Variants in STK11 observed in about 807,000 individuals in gnomAD.
STK11 encodes the protein serine/threonine kinase 11.
STK11 carries 8 observed loss-of-function variants against 47.3 expected under a neutral mutation model. The observed-to-expected ratio is 0.17, with a 90% CI of 0.10 to 0.31. The LOEUF (loss-of-function observed/expected upper bound fraction) is 0.31. Among genes scored for constraint, STK11 ranks in the 10% least tolerant of loss-of-function variants. The pLI is 1.00. For synonymous variants in STK11, 330 were observed against 255.8 expected (o/e 1.29, Z -2.77); for missense variants, 475 against 605.0 (o/e 0.79, Z 2.25).
intron 1 of STK11, among the ~76,000 whole-genome samples, chr19:1,208,513 T>C (rs900514663): frequency 1.3e-5 from 2 of 150,980 alleles, no homozygotes; most frequent in Non-Finnish European, 3.0e-5. Flanking sequence ...TTTCACCGTG[T>C]TAGCCAGGAT....
At chr19:1,219,480 C>T (rs917889736) in intron 3 of STK11, 67 bp downstream of exon 3, 100 of 1,486,178 alleles carry the variant, frequency 6.7e-5, no homozygotes, top group African/African-American at 6.3e-4. Context: ...GGCTCCTTTC[C>T]GTGAGGCCAC....
intron 7 of STK11, among the ~76,000 whole-genome samples, chr19:1,222,520 C>T (rs1018987292): frequency 6.6e-6 from 1 of 152,230 alleles, no homozygotes. Context: ...CCCGAGGCCA[C>T]CCACTGAGAC....
At chr19:1,208,170 C>G (rs912618507) in intron 1 of STK11, among the ~76,000 whole-genome samples, 1 of 152,090 alleles carries the variant, frequency 6.6e-6, no homozygotes, top group Non-Finnish European at 1.5e-5. Flanking sequence ...GCGCAGGGCA[C>G]CATGACCTTG....
At chr19:1,224,635 C>T (rs746385629) in intron 8 of STK11, 401 of 985,544 alleles carry the variant, frequency 4.1e-4, no homozygotes, top group Non-Finnish European at 4.7e-4. Flanking sequence ...GGACCCGGCA[C>T]TGGCTTCCCT....
In STK11 at chr19:1,220,753, C is replaced by T. The variant is rs1487439955; in HGVS notation, c.734+36C>T. 1 of 1,586,244 alleles carries T rather than the reference C, an allele frequency of 6.3e-7. No homozygotes were observed. The highest frequency in any genetic ancestry group is 8.6e-7 in the Non-Finnish European group (1 of 1,163,576). ...CGCCCCCCCGGGCACTCACCACACG[C>T]ACACTCCGAGGGGCCTCTGCGTCTT... On this transcript the variant is annotated intron_variant, in intron 5 of 9. Coordinates refer to ENST00000326873, the MANE Select transcript of STK11 (RefSeq NM_000455.5).
Position 1,219,432 on chromosome 19 carries a change from G to A in STK11, c.464+19G>A, listed in dbSNP as rs587782430. On this transcript the variant is annotated intron_variant, in intron 3 of 9. Coordinates refer to ENST00000326873, the MANE Select transcript of STK11 (RefSeq NM_000455.5). ...CCCACGGGTGCGTGCGCGGGGCAGG[G>A]GCCAGGGTGGGGCGGGGGCCGGGGG... 6.4e-7 allele frequency: 1 copy of A among 1,555,394 alleles called. No homozygotes were observed. The highest frequency in any genetic ancestry group is 1.2e-5 in the South Asian group (1 of 84,632).
At chr19:1,208,976 C>T (rs1032811780) in intron 1 of STK11, among the ~76,000 whole-genome samples, 1 of 152,112 alleles carries the variant, frequency 6.6e-6, no homozygotes, top group Non-Finnish European at 1.5e-5. Context: ...GGGGCACAGG[C>T]TCTGAAGTTT....
At chr19:1,223,808 C>T (rs964349463) in intron 8 of STK11, 14 of 1,033,226 alleles carry the variant, frequency 1.4e-5, no homozygotes, top group African/African-American at 1.7e-5. Flanking sequence ...AGCCCCTCCC[C>T]GCCATGCTCC....
chr19:1,224,025 AC>A, intron 8 of STK11: 1 of 1,005,608 alleles, frequency 9.9e-7, no homozygotes, highest in East Asian at 7.4e-5. Flanking sequence ...CACAGGGTCC[AC>A]CCCCGGGCCC....
At chr19:1,222,097 T>C in intron 7 of STK11, 91 bp downstream of exon 7, 1 of 1,451,500 alleles carries the variant, frequency 6.9e-7, no homozygotes, top group South Asian at 1.2e-5. Context: ...CAGGGCGTGG[T>C]GGGGGTGCCA....
chr19:1,217,864 C>T (rs2080754711), intron 1 of STK11, among the ~76,000 whole-genome samples: 2 of 152,316 alleles, frequency 1.3e-5, no homozygotes, highest in South Asian at 4.1e-4. Flanking sequence ...GGAAGCAAAA[C>T]TGTTACTGAG....
At chr19:1,218,021 G>A (rs752689072) in intron 1 of STK11, among the ~76,000 whole-genome samples, 3 of 152,172 alleles carry the variant, frequency 2.0e-5, no homozygotes, top group African/African-American at 4.8e-5. Flanking sequence ...ACACGTGCCT[G>A]TAGTCCCAGC....
At chr19:1,226,812 T>C in intron 9 of STK11, 149 bp downstream of exon 9, 1 of 987,418 alleles carries the variant, frequency 1.0e-6, no homozygotes, top group East Asian at 2.9e-5. Context: ...CTTGGCCACG[T>C]AGCGATCCCC....
At chr19:1,218,301 T>C in intron 1 of STK11, 116 bp from the exon 2 acceptor site, 2 of 848,172 alleles carry the variant, frequency 2.4e-6, no homozygotes, top group Non-Finnish European at 4.0e-6. Context: ...AGCTTCTCTC[T>C]AGGGAAGGGA....
chr19:1,224,084 C>T (rs2080804758), intron 8 of STK11: 4 of 996,702 alleles, frequency 4.0e-6, no homozygotes, highest in Non-Finnish European at 4.8e-6. Flanking sequence ...CCCATTAGGT[C>T]CCTCAGCACT....
chr19:1,210,888 C>T (rs977629680), intron 1 of STK11, among the ~76,000 whole-genome samples: 3 of 151,380 alleles, frequency 2.0e-5, no homozygotes, highest in African/African-American at 7.3e-5. Context: ...TGGGGCCGGG[C>T]GTGGTGGCTC....
intron 3 of STK11, chr19:1,220,158 C>T: frequency 1.8e-6 from 1 of 560,334 alleles, no homozygotes; most frequent in Non-Finnish European, 3.1e-6. Context: ...CATCCGGGGC[C>T]CTGCCAGACG....
In STK11 at chr19:1,221,209, G is replaced by A. The variant is rs1245235285; in HGVS notation, c.735-4G>A. 6.2e-7 allele frequency: 1 copy of A among 1,611,724 alleles called. No homozygotes were observed. Among genetic ancestry groups the A allele is most frequent in the South Asian group, 1.1e-5 (1 of 91,050 alleles). On this transcript the variant is annotated splice_polypyrimidine_tract_variant and splice_region_variant and intron_variant, in intron 5 of 9. Coordinates refer to ENST00000326873, the MANE Select transcript of STK11 (RefSeq NM_000455.5). ...CGCCTTTCTTCCCTCCCCTCGAAAT[G>A]AAGCTACAACATCACCACGGGTCTG...
chr19:1,228,307 C>T lies in STK11; in HGVS notation c.*731C>T, dbSNP rs1318127428. The T allele has an allele frequency of 3.4e-5, 9 of 265,636 alleles. No individual in the cohort carries two copies. Among genetic ancestry groups the T allele is most frequent in the Non-Finnish European group, 6.1e-5 (9 of 148,058 alleles). The allele number at this position is 265,636 out of a possible 1,614,324, so 16.5% of individuals were successfully genotyped here. A position where few individuals can be genotyped will look rare whatever the true frequency, so the allele number is the denominator to read the frequency against. On this transcript the variant is annotated 3_prime_UTR_variant, in exon 10 of 10. Coordinates refer to ENST00000326873, the MANE Select transcript of STK11 (RefSeq NM_000455.5). Reference sequence around the variant, plus strand: ...AGGAGTGTGCGGTCAATATTTATATCATCCAGAAAAGAAAAACACGAGAAA... The same window carrying T: ...AGGAGTGTGCGGTCAATATTTATATTATCCAGAAAAGAAAAACACGAGAAA...
Sources: gnomAD v4.1 joint callset for allele counts (sites outside exome capture counted in the v4.1 genomes callset) on GRCh38, gnomAD v4.1.1 for gene constraint, MANE v1.5 for transcripts, NCBI Gene and HGNC (gene_info 2026-07-23, HGNC 2026-07-21) for gene names.